ABL1: variants seen among roughly 807,000 people sequenced by gnomAD.
The protein encoded by ABL1 is tyrosine-protein kinase ABL1.
A neutral mutation model predicts 94.7 loss-of-function variants in ABL1; 11 were observed. That is an observed-to-expected ratio of 0.12 (90% CI 0.07 to 0.19). ABL1 has a LOEUF of 0.19. Ranked by LOEUF, ABL1 falls within the 10% of genes least tolerant of loss-of-function variation. The pLI is 1.00. For missense variants in ABL1, 1,082 were observed against 1,489.4 expected (o/e 0.73, Z 4.50); for synonymous variants, 656 against 622.4 (o/e 1.05, Z -0.80).
At chr9:130,736,871 G>C (rs1292796484) in intron 1 of ABL1, among the ~76,000 whole-genome samples, 1 of 152,156 alleles carries the variant, frequency 6.6e-6, no homozygotes, top group South Asian at 2.1e-4. Flanking sequence ...TTGTGTGGCA[G>C]ATATTTAAAT....
chr9:130,726,675 T>C (rs1186354483), intron 1 of ABL1, among the ~76,000 whole-genome samples: 1 of 152,250 alleles, frequency 6.6e-6, no homozygotes, highest in African/African-American at 2.4e-5. Flanking sequence ...GGTCTTGCTA[T>C]GTTGCCCAGG....
At chr9:130,721,357 G>A (rs1831511590) in intron 1 of ABL1, among the ~76,000 whole-genome samples, 1 of 152,030 alleles carries the variant, frequency 6.6e-6, no homozygotes, top group African/African-American at 2.4e-5. Context: ...CAGCCTGGGT[G>A]ACAGAGCAAG....
intron 1 of ABL1, among the ~76,000 whole-genome samples, chr9:130,736,985 C>T (rs1258242461): frequency 2.6e-5 from 4 of 152,292 alleles, no homozygotes; most frequent in African/African-American, 9.6e-5. Context: ...CTATTCCAAG[C>T]TCCAGAGGAC....
At chr9:130,876,204 C>T (rs1390145729) in intron 7 of ABL1, among the ~76,000 whole-genome samples, 1 of 151,912 alleles carries the variant, frequency 6.6e-6, no homozygotes, top group African/African-American at 2.4e-5. Flanking sequence ...ATATACAGTG[C>T]CTAGATCCAA....
intron 1 of ABL1, among the ~76,000 whole-genome samples, chr9:130,788,895 A>T (rs953878368): frequency 6.6e-6 from 1 of 152,086 alleles, no homozygotes; most frequent in African/African-American, 2.4e-5. Context: ...GTCGTTAATG[A>T]TATTAATTTT....
At chr9:130,853,916 T>C (rs1255368662) in intron 1 of ABL1, 148 bp from the exon 2 acceptor site, 34 of 724,788 alleles carry the variant, frequency 4.7e-5, no homozygotes, top group Non-Finnish European at 7.1e-5. Flanking sequence ...ACCACCTTAA[T>C]GATAATAGTA....
Position 130,773,628 on chromosome 9 carries a change from C to CT in ABL1, c.136+59193dup, listed in dbSNP as rs57265547. ...TGTGGGCCATCATGCCTGGCTAACT[C>CT]TTTTTTTTTTTTTTTTTTTTCATTT... On this transcript the variant is annotated intron_variant, in intron 1 of 10. Coordinates refer to the ABL1 transcript ENST00000372348. Among the ~76,000 whole-genome samples the CT allele has an allele frequency of 9.1e-3, 990 of 108,936 alleles. 7 individuals are homozygous for CT. The highest frequency in any genetic ancestry group is 0.015 in the Middle Eastern group (3 of 200). The allele number at this position is 108,936 out of a possible 152,430, so 71.5% of individuals were successfully genotyped here.
intron 3 of ABL1, among the ~76,000 whole-genome samples, chr9:130,857,602 C>A (rs34369541): frequency 6.6e-6 from 1 of 151,542 alleles, no homozygotes; most frequent in Admixed American, 6.6e-5. Flanking sequence ...GTTGTGGTAT[C>A]TGATAGGCTA....
At chr9:130,775,528 G>T (rs1317557411) in intron 1 of ABL1, among the ~76,000 whole-genome samples, 2 of 152,136 alleles carry the variant, frequency 1.3e-5, no homozygotes, top group African/African-American at 4.8e-5. Context: ...CAACTGAAGA[G>T]AGATTTAGTA....
chr9:130,743,348 C>CTAA (rs1046820845), intron 1 of ABL1, among the ~76,000 whole-genome samples: 54 of 152,348 alleles, frequency 3.5e-4, no homozygotes, highest in African/African-American at 1.3e-3. Context: ...GCTGGGATTA[C>CTAA]AGGTGTGAGC....
chr9:130,757,951 C>T (rs1239727221), intron 1 of ABL1, among the ~76,000 whole-genome samples: 2 of 152,168 alleles, frequency 1.3e-5, no homozygotes, highest in African/African-American at 2.4e-5. Context: ...AATGGCCCCT[C>T]CAGGGCACAC....
Position 130,880,668 on chromosome 9 carries a change from A to G in ABL1, c.1678+4A>G, listed in dbSNP as rs1453364919. On this transcript the variant is annotated splice_donor_region_variant and intron_variant, in intron 10 of 10. Transcript: ENST00000318560. This position sits in a 1 kb window ranked among gnomAD's most constrained non-coding sequence, Gnocchi z 4.4. ...TCCAAGGGCCAGGGAGAGAGCGGTA[A>G]GTCCCCCGCTTCCCCCAACCCCACT... The G allele has an allele frequency of 6.2e-7, 1 of 1,612,624 alleles. No homozygotes were observed. Among genetic ancestry groups the G allele is most frequent in the Non-Finnish European group, 8.5e-7 (1 of 1,179,564 alleles).
intron 1 of ABL1, among the ~76,000 whole-genome samples, chr9:130,848,665 G>A (rs908306215): frequency 2.0e-5 from 3 of 151,870 alleles, no homozygotes; most frequent in Non-Finnish European, 4.4e-5. Context: ...GGCCAGACAC[G>A]GTGGCTCACG....
chr9:130,873,403 G>A (rs1831287085), intron 6 of ABL1, among the ~76,000 whole-genome samples: 2 of 152,172 alleles, frequency 1.3e-5, no homozygotes, highest in South Asian at 2.1e-4. Flanking sequence ...GTTCCTCCGG[G>A]GCCAGCGCCC....
chr9:130,842,155 G>T (rs1168054612), intron 1 of ABL1, among the ~76,000 whole-genome samples: 2 of 152,148 alleles, frequency 1.3e-5, no homozygotes, highest in African/African-American at 4.8e-5. Context: ...CAAGAGAAGC[G>T]CAGGAGACAG....
chr9:130,884,157 G>C lies in ABL1; in HGVS notation c.1867G>C (p.Glu623Gln), dbSNP rs2133034987. 1 of 1,613,228 alleles carries C rather than the reference G, an allele frequency of 6.2e-7. No homozygotes were observed. Among genetic ancestry groups the C allele is most frequent in the South Asian group, 1.1e-5 (1 of 91,028 alleles). ...TPPKRSSSFREMDGQPERRGA... is the reference protein window; with the variant it reads ...TPPKRSSSFRQMDGQPERRGA... The stretch of plus-strand genomic sequence containing the variant: ...TCCCAAACGCAGCAGCTCCTTCCGG[G>C]AGATGGACGGCCAGCCGGAGCGCAG... Residue 623 changes from glutamate to glutamine, a missense_variant, in exon 11 of 11, where the codon GAG becomes CAG. Around this residue, in one of 7 missense-constraint regions of ABL1, gnomAD observed 780 missense variants for 835.8 expected, o/e 0.93. Coordinates refer to ENST00000318560, the MANE Select transcript of ABL1 (RefSeq NM_005157.6). The surrounding 1 kb of genome is among the most constrained non-coding windows in gnomAD (Gnocchi z 5.6).
intron 1 of ABL1, among the ~76,000 whole-genome samples, chr9:130,767,056 C>T (rs1832192261): frequency 6.6e-6 from 1 of 152,148 alleles, no homozygotes; most frequent in Non-Finnish European, 1.5e-5. Context: ...TGGGCCCTGC[C>T]CTTCACTCAG....
intron 1 of ABL1, among the ~76,000 whole-genome samples, chr9:130,747,249 G>A (rs1006091431): frequency 1.3e-5 from 2 of 152,100 alleles, no homozygotes; most frequent in African/African-American, 4.8e-5. Context: ...ATGGTGGCAT[G>A]CACCTGTAGT....
At chr9:130,756,926 C>T (rs1292687609) in intron 1 of ABL1, among the ~76,000 whole-genome samples, 1 of 152,206 alleles carries the variant, frequency 6.6e-6, no homozygotes, top group African/African-American at 2.4e-5. Context: ...AAGCCCTCCT[C>T]CTGGGCAGAG....
Sources: gnomAD v4.1 joint callset for allele counts (sites outside exome capture counted in the v4.1 genomes callset) on GRCh38, gnomAD v4.1.1 for gene constraint, gnomAD v4.1.1 regional missense constraint, Gnocchi (gnomAD v3.1) non-coding constraint, MANE v1.5 for transcripts, NCBI Gene and HGNC (gene_info 2026-07-23, HGNC 2026-07-21) for gene names.